JPH4: variants seen among roughly 807,000 people sequenced by gnomAD.
JPH4 encodes the protein junctophilin-4.
A neutral mutation model predicts 57.6 loss-of-function variants in JPH4; 18 were observed. The ratio of observed to expected loss-of-function variants is 0.31; its 90% CI spans 0.22 to 0.46. The LOEUF (loss-of-function observed/expected upper bound fraction) is 0.46, where lower values mean the gene tolerates loss of function less well. Ranked by LOEUF, JPH4 falls within the 20% of genes least tolerant of loss-of-function variation. The pLI, the probability that JPH4 is intolerant of heterozygous loss-of-function variation, is 1.00. For synonymous variants in JPH4, 425 were observed against 406.6 expected, an observed-to-expected ratio of 1.05 and a Z score of -0.54; for missense variants, 727 against 911.1, an observed-to-expected ratio of 0.80 and a Z score of 2.60.
At position 23,577,406 on chromosome 14, in the gene JPH4, C is replaced by T; in HGVS notation, c.48G>A (p.Val16=). The change falls in exon 2 of 6, where the codon GTG becomes GTA. Residue 16 remains valine, a synonymous_variant. Coordinates refer to ENST00000356300, the MANE Select transcript of JPH4 (RefSeq NM_001146028.2). The surrounding 1 kb of genome is among the most constrained non-coding windows in gnomAD (Gnocchi z 8.4). Reference sequence around the variant, plus strand: ...GTGCCCGCCCCGCCTCCCAGCCCCCCACGTAGCAGCCCCCGTCGTCAAAGT... The same window carrying T: ...GTGCCCGCCCCGCCTCCCAGCCCCCTACGTAGCAGCCCCCGTCGTCAAAGT... The part of the protein sequence containing the change: ...KFDFDDGGCY[V]GGWEAGRAHG... 6.8e-7 allele frequency: 1 copy of T among 1,466,060 alleles called. No homozygotes were observed. Among genetic ancestry groups the T allele is most frequent in the Non-Finnish European group, 9.0e-7 (1 of 1,111,930 alleles). The allele number at this position is 1,466,060 out of a possible 1,614,324, so 90.8% of individuals were successfully genotyped here.
Position 23,569,774 on chromosome 14 carries a change from G to T in JPH4, c.1804-57C>A. 2.5e-6 allele frequency: 3 copies of T among 1,195,682 alleles called. No homozygotes were observed. The highest frequency in any genetic ancestry group is 3.6e-6 in the Non-Finnish European group (3 of 842,612). 74.1% of individuals were successfully genotyped at this position (1,195,682 alleles called of 1,614,324 possible). On this transcript the variant is annotated intron_variant, in intron 5 of 5. Coordinates refer to ENST00000356300, the MANE Select transcript of JPH4 (RefSeq NM_001146028.2). The surrounding 1 kb of genome is among the most constrained non-coding windows in gnomAD (Gnocchi z 4.8). Reference sequence around the variant, plus strand: ...CCCCGAGGACAGGGCCCACCTTCCTGCCCTGACTGAGGTGGCAGAGCTGAA... The same window carrying T: ...CCCCGAGGACAGGGCCCACCTTCCTTCCCTGACTGAGGTGGCAGAGCTGAA...
At position 23,569,632 on chromosome 14, in the gene JPH4, C is replaced by A; in HGVS notation, c.*2G>T. On this transcript the variant is annotated 3_prime_UTR_variant, in exon 6 of 6. Coordinates refer to ENST00000356300, the MANE Select transcript of JPH4 (RefSeq NM_001146028.2). This position sits in a 1 kb window ranked among gnomAD's most constrained non-coding sequence, Gnocchi z 4.8. ...AAGCCAGAACCAGGCCAGGAAGTAG[C>A]CTCAGGTGAGGAGCTGGGAGAACAG... The A allele has an allele frequency of 6.4e-7, 1 of 1,551,862 alleles. No homozygotes were observed. The highest frequency in any genetic ancestry group is 2.0e-5 in the Admixed American group (1 of 51,132).
chr14:23,576,724 A>G lies in JPH4; in HGVS notation c.380-268T>C, dbSNP rs531371578. ...ACAGGGGAAACGGGGAGGGCCCGGC[A>G]GGCATGCGAAGGACAGGCTGGTCAG... On this transcript the variant is annotated intron_variant, in intron 2 of 5. Coordinates refer to ENST00000356300, the MANE Select transcript of JPH4 (RefSeq NM_001146028.2). The surrounding 1 kb of genome is among the most constrained non-coding windows in gnomAD (Gnocchi z 8.0). Among the ~76,000 whole-genome samples, 1 of 152,268 alleles carries G rather than the reference A, an allele frequency of 6.6e-6. No individual in the cohort carries two copies. Among genetic ancestry groups the G allele is most frequent in the East Asian group, 1.9e-4 (1 of 5,154 alleles).
chr14:23,572,146 C>G (rs1889167436), intron 3 of JPH4, among the ~76,000 whole-genome samples: 1 of 152,118 alleles, frequency 6.6e-6, no homozygotes, highest in South Asian at 2.1e-4. Context: ...GCCACCATCA[C>G]ACCCTCCTGC....
chr14:23,575,328 G>A lies in JPH4; in HGVS notation c.1151+357C>T. 2.9e-6 allele frequency: 1 copy of A among 344,720 alleles called. No homozygotes were observed. 21.4% of individuals were successfully genotyped at this position (344,720 alleles called of 1,614,324 possible). On this transcript the variant is annotated intron_variant, in intron 3 of 5. Coordinates refer to ENST00000356300, the MANE Select transcript of JPH4 (RefSeq NM_001146028.2). The surrounding 1 kb of genome is among the most constrained non-coding windows in gnomAD (Gnocchi z 6.9). ...TCAGCTGCAAGAGGAGGAAGACTAG[G>A]GACATGTTTTGAGTTCCAAGAGATT...
At position 23,571,733 on chromosome 14, in the gene JPH4, TC is replaced by T; in HGVS notation, c.1270+68del. 7.1e-7 allele frequency: 1 copy of T among 1,400,268 alleles called. No individual in the cohort carries two copies. 86.7% of individuals were successfully genotyped at this position (1,400,268 alleles called of 1,614,324 possible). A position where few individuals can be genotyped will look rare whatever the true frequency, so the allele number is the denominator to read the frequency against. On this transcript the variant is annotated intron_variant, in intron 4 of 5. Coordinates refer to ENST00000356300, the MANE Select transcript of JPH4 (RefSeq NM_001146028.2). The surrounding 1 kb of genome is among the most constrained non-coding windows in gnomAD (Gnocchi z 4.6). ...TCCCTTGCAGGGCTTCTCATCTGTT[TC>T]CCCACACCTGAGCCTCTCTAGCTCC...
At chr14:23,574,528 G>A (rs1595395041) in intron 3 of JPH4, among the ~76,000 whole-genome samples, 1 of 152,256 alleles carries the variant, frequency 6.6e-6, no homozygotes, top group East Asian at 1.9e-4. Flanking sequence ...TGGCTATTAA[G>A]CATTTGAAAC....
chr14:23,568,556 A>G lies in JPH4; in HGVS notation c.*1078T>C. 1.0e-6 allele frequency: 1 copy of G among 985,782 alleles called. No individual in the cohort carries two copies. The highest frequency in any genetic ancestry group is 1.2e-6 in the Non-Finnish European group (1 of 829,956). 61.1% of individuals were successfully genotyped at this position (985,782 alleles called of 1,614,324 possible). A position where few individuals can be genotyped will look rare whatever the true frequency, so the allele number is the denominator to read the frequency against. On this transcript the variant is annotated 3_prime_UTR_variant, in exon 6 of 6. Coordinates refer to ENST00000356300, the MANE Select transcript of JPH4 (RefSeq NM_001146028.2). ...TTCCCATTTCACAAGATTCTGATGTAAAGGGGGAAGGGATATAACCCATTT... is the reference window on the plus strand; with the variant it reads ...TTCCCATTTCACAAGATTCTGATGTGAAGGGGGAAGGGATATAACCCATTT...
At chr14:23,572,045 C>T in intron 3 of JPH4, 125 bp from the exon 4 acceptor site, 1 of 794,666 alleles carries the variant, frequency 1.3e-6, no homozygotes, top group Non-Finnish European at 2.0e-6. Context: ...CTGGAGTCGT[C>T]ACCCTTCGCC....
Position 23,577,008 on chromosome 14 carries a change from G to T in JPH4, c.379+67C>A. On this transcript the variant is annotated intron_variant, in intron 2 of 5. Coordinates refer to ENST00000356300, the MANE Select transcript of JPH4 (RefSeq NM_001146028.2). This position sits in a 1 kb window ranked among gnomAD's most constrained non-coding sequence, Gnocchi z 8.4. ...GGGCGCAAGGGCGCAAATGGCGGGC[G>T]AAGGCCCAAGGCTGGGGAAGGCGCA... is the stretch of plus-strand genomic sequence containing the variant. 1 of 1,406,092 alleles carries T rather than the reference G, an allele frequency of 7.1e-7. No homozygotes were observed. Among genetic ancestry groups the T allele is most frequent in the Non-Finnish European group, 9.2e-7 (1 of 1,085,228 alleles). The allele number at this position is 1,406,092 out of a possible 1,614,324, so 87.1% of individuals were successfully genotyped here. A position where few individuals can be genotyped will look rare whatever the true frequency, so the allele number is the denominator to read the frequency against.
Position 23,575,859 on chromosome 14 carries a change from G to A in JPH4, c.977C>T (p.Ser326Phe), listed in dbSNP as rs1484833174. 3 of 1,581,676 alleles carry A rather than the reference G, an allele frequency of 1.9e-6. No individual in the cohort carries two copies. Among genetic ancestry groups the A allele is most frequent in the Non-Finnish European group, 1.7e-6 (2 of 1,166,708 alleles). Residue 326 changes from serine (S) to phenylalanine (F), a missense_variant, in exon 3 of 6, where the codon TCC becomes TTC. By Grantham distance (155) the Ser-to-Phe change is radical. This residue lies in a region of JPH4 where 112 missense variants were observed against 199.4 expected (regional missense o/e 0.56). Transcript: ENST00000356300. The surrounding 1 kb of genome is among the most constrained non-coding windows in gnomAD (Gnocchi z 6.9). ...GYGRTTRPDG[S>F]REEGKYKRNR... Reference sequence around the variant, plus strand: ...GCGCTTGTACTTGCCCTCCTCGCGGGAGCCGTCGGGGCGGGTGGTGCGCCC... The same window carrying A: ...GCGCTTGTACTTGCCCTCCTCGCGGAAGCCGTCGGGGCGGGTGGTGCGCCC...
rs1889129640 is a variant in JPH4 at position 23,571,154 on chromosome 14, C to G, written c.1577G>C (p.Arg526Thr). The G allele has an allele frequency of 6.2e-7, 1 of 1,614,016 alleles. No individual in the cohort carries two copies. The highest frequency in any genetic ancestry group is 1.3e-5 in the African/African-American group (1 of 74,928). Reference sequence around the variant, plus strand: ...GCCTCCGAGGAGTGGGGAACCGTCTCTGGGCCCTGGCCCTTGCATCCCAGC... The same window carrying G: ...GCCTCCGAGGAGTGGGGAACCGTCTGTGGGCCCTGGCCCTTGCATCCCAGC... ...DEAGMQGPGP[R>T]DGSPLLGGCS... The change falls in exon 5 of 6, where the codon AGA (arginine) becomes ACA (threonine). Residue 526 changes from arginine to threonine, a missense_variant. Physicochemically the swap from Arg to Thr is moderately conservative, Grantham distance 71 (BLOSUM62 -1). Transcript: ENST00000356300. The surrounding 1 kb of genome is among the most constrained non-coding windows in gnomAD (Gnocchi z 4.6).
rs1432447119 is a variant in JPH4, at chr14:23,576,530, C to T, written c.380-74G>A. The T allele has an allele frequency of 2.4e-6, 3 of 1,239,774 alleles. No homozygotes were observed. Among genetic ancestry groups the T allele is most frequent in the African/African-American group, 3.2e-5 (2 of 63,458 alleles). The allele number at this position is 1,239,774 out of a possible 1,614,324, so 76.8% of individuals were successfully genotyped here. ...CTCCTTGCGCCCCAAGTCCCAAGCGCCCCTGGAAGCCCAAGCGTCAGGCGG... is the reference window on the plus strand; with the variant it reads ...CTCCTTGCGCCCCAAGTCCCAAGCGTCCCTGGAAGCCCAAGCGTCAGGCGG... On this transcript the variant is annotated intron_variant, in intron 2 of 5. Coordinates refer to ENST00000356300, the MANE Select transcript of JPH4 (RefSeq NM_001146028.2). The surrounding 1 kb of genome is among the most constrained non-coding windows in gnomAD (Gnocchi z 8.0).
Position 23,577,419 on chromosome 14 carries a change from C to T in JPH4, c.35G>A (p.Gly12Glu). 1 of 1,448,082 alleles carries T rather than the reference C, an allele frequency of 6.9e-7. No homozygotes were observed. 89.7% of individuals were successfully genotyped at this position (1,448,082 alleles called of 1,614,324 possible). Residue 12 changes from glycine (G) to glutamate (E), a missense_variant, in exon 2 of 6, where the codon GGG becomes GAG. By Grantham distance (98) the Gly-to-Glu change is moderately conservative (BLOSUM62 -2). This residue lies in a region of JPH4 where 83 missense variants were observed against 135.4 expected (regional missense o/e 0.61). Coordinates refer to ENST00000356300, the MANE Select transcript of JPH4 (RefSeq NM_001146028.2). The surrounding 1 kb of genome is among the most constrained non-coding windows in gnomAD (Gnocchi z 8.4). ...CTCCCAGCCCCCCACGTAGCAGCCC[C>T]CGTCGTCAAAGTCGAACTTGCCCCC... ...SPGGKFDFDD[G>E]GCYVGGWEAG...
In JPH4 at chr14:23,576,933, G is replaced by A. The variant is rs1429010748; in HGVS notation, c.379+142C>T. 1 of 985,236 alleles carries A rather than the reference G, an allele frequency of 1.0e-6. No individual in the cohort carries two copies. Among genetic ancestry groups the A allele is most frequent in the East Asian group, 3.1e-5 (1 of 32,688 alleles). 61.0% of individuals were successfully genotyped at this position (985,236 alleles called of 1,614,324 possible). A position where few individuals can be genotyped will look rare whatever the true frequency, so the allele number is the denominator to read the frequency against. The stretch of plus-strand genomic sequence containing the variant: ...ATCATGGTGGGAGAGAGCAGAAATT[G>A]GGGGCTGGGGGTCACATCGATGGGG... On this transcript the variant is annotated intron_variant, in intron 2 of 5. Transcript: ENST00000356300. The surrounding 1 kb of genome is among the most constrained non-coding windows in gnomAD (Gnocchi z 8.0).
At position 23,571,887 on chromosome 14, in the gene JPH4, G is replaced by C; in HGVS notation, c.1185C>G (p.Ala395=). ...AADALLKAVA[A]SSVAEKAVEA... ...CCACGGCCTTCTCAGCGACACTGCT[G>C]GCTGCCACTGCCTTTAGGAGGGCGT... Residue 395 remains alanine, a synonymous_variant, in exon 4 of 6, where the codon GCC becomes GCG. Coordinates refer to ENST00000356300, the MANE Select transcript of JPH4 (RefSeq NM_001146028.2). The surrounding 1 kb of genome is among the most constrained non-coding windows in gnomAD (Gnocchi z 4.6). 1 of 1,612,830 alleles carries C rather than the reference G, an allele frequency of 6.2e-7. No individual in the cohort carries two copies. The highest frequency in any genetic ancestry group is 8.5e-7 in the Non-Finnish European group (1 of 1,179,910).
chr14:23,569,763 C>T lies in JPH4; in HGVS notation c.1804-46G>A. The T allele has an allele frequency of 7.6e-7, 1 of 1,321,070 alleles. No homozygotes were observed. Among genetic ancestry groups the T allele is most frequent in the Non-Finnish European group, 1.1e-6 (1 of 946,496 alleles). 81.8% of individuals were successfully genotyped at this position (1,321,070 alleles called of 1,614,324 possible). ...GCAGACTCAGTCCCCGAGGACAGGG[C>T]CCACCTTCCTGCCCTGACTGAGGTG... On this transcript the variant is annotated intron_variant, in intron 5 of 5. Coordinates refer to ENST00000356300, the MANE Select transcript of JPH4 (RefSeq NM_001146028.2). This position sits in a 1 kb window ranked among gnomAD's most constrained non-coding sequence, Gnocchi z 4.8.
rs1328267318 is a variant in JPH4, at chr14:23,568,165, GAAGTA to G, written c.*1464_*1468del. 1.0e-6 allele frequency: 1 copy of G among 985,714 alleles called. No homozygotes were observed. Among genetic ancestry groups the G allele is most frequent in the African/African-American group, 1.7e-5 (1 of 57,224 alleles). The allele number at this position is 985,714 out of a possible 1,614,324, so 61.1% of individuals were successfully genotyped here. The stretch of plus-strand genomic sequence containing the variant: ...CCCAAATTCCATGAAATAGAAATCA[GAAGTA>G]AAGGTTGAGAGGGGAGGAAGGAGGG... On this transcript the variant is annotated 3_prime_UTR_variant, in exon 6 of 6. Coordinates refer to ENST00000356300, the MANE Select transcript of JPH4 (RefSeq NM_001146028.2).
rs765180291 is a variant in JPH4 at position 23,571,314 on chromosome 14, G to C, written c.1417C>G (p.Pro473Ala). 6.3e-7 allele frequency: 1 copy of C among 1,595,852 alleles called. No homozygotes were observed. The highest frequency in any genetic ancestry group is 1.3e-5 in the African/African-American group (1 of 74,594). ...SPASSRQPWR[P>A]PACRSPLPPG... ...GGCAGTGGGCTCCGGCAGGCAGGGG[G>C]TCGCCAGGGTTGGCGGGAGGAGGCA... is the stretch of plus-strand genomic sequence containing the variant. Residue 473 changes from proline to alanine, a missense_variant, in exon 5 of 6, where the codon CCC becomes GCC. Transcript: ENST00000356300. The surrounding 1 kb of genome is among the most constrained non-coding windows in gnomAD (Gnocchi z 4.6).
Sources: allele counts gnomAD v4.1 joint callset (sites outside exome capture counted in the v4.1 genomes callset), GRCh38; gene constraint gnomAD v4.1.1; regional missense constraint gnomAD v4.1.1; non-coding constraint Gnocchi (gnomAD v3.1); transcripts MANE v1.5; gene names NCBI Gene and HGNC (gene_info 2026-07-23, HGNC 2026-07-21).